NMNAT1: variants seen among roughly 807,000 people sequenced by gnomAD.
NMNAT1 encodes the protein nicotinamide/nicotinic acid mononucleotide adenylyltransferase 1.
In NMNAT1, 11 loss-of-function variants were observed where a neutral mutation model predicts 16.7. The observed-to-expected ratio is 0.66, with a 90% CI of 0.41 to 1.09. The LOEUF is 1.09. Ranked by LOEUF, NMNAT1 falls within the 50% of genes least tolerant of loss-of-function variation. NMNAT1 has a pLI of 0.00. For missense variants in NMNAT1, 280 were observed against 332.3 expected (o/e 0.84, Z 1.22); for synonymous variants, 110 against 119.8 (o/e 0.92, Z 0.53).
At chr1:9,996,577 C>A in the NMNAT1 span, among the ~76,000 whole-genome samples, 1 of 152,118 alleles carries the variant, frequency 6.6e-6, no homozygotes, top group Non-Finnish European at 1.5e-5. Context: ...CAGAAACCTG[C>A]TGGGTAATTT....
intron 1 of NMNAT1, among the ~76,000 whole-genome samples, chr1:9,970,387 A>G (rs1423277856): frequency 1.3e-5 from 2 of 152,030 alleles, no homozygotes; most frequent in African/African-American, 2.4e-5. Flanking sequence ...ATCTATATAT[A>G]TGAATTAGTT....
chr1:9,945,043 G>A (rs1640941745), intron 1 of NMNAT1, among the ~76,000 whole-genome samples: 1 of 152,134 alleles, frequency 6.6e-6, no homozygotes, highest in South Asian at 2.1e-4. Context: ...AAACCAGCCC[G>A]GCCAACATGG....
At chr1:9,977,793 G>C (rs555459589) in intron 3 of NMNAT1, among the ~76,000 whole-genome samples, 1 of 152,192 alleles carries the variant, frequency 6.6e-6, no homozygotes, top group South Asian at 2.1e-4. Flanking sequence ...GGGAGGCAGA[G>C]GTTACGGTGA....
chr1:9,969,106 A>G (rs1641631017), intron 1 of NMNAT1, among the ~76,000 whole-genome samples: 1 of 152,060 alleles, frequency 6.6e-6, no homozygotes, highest in Admixed American at 6.6e-5. Flanking sequence ...AAATTGTAGG[A>G]TACTTTCTTG....
At chr1:9,949,292 C>CTT (rs1357855200) in intron 1 of NMNAT1, among the ~76,000 whole-genome samples, 2 of 150,422 alleles carry the variant, frequency 1.3e-5, no homozygotes, top group African/African-American at 4.9e-5. Flanking sequence ...AAAGACAAAA[C>CTT]ACAATGCAGG....
In NMNAT1 at chr1:9,972,111, C is replaced by T. The variant is rs1641702737; in HGVS notation, c.38C>T (p.Ala13Val). 1.2e-6 allele frequency: 2 copies of T among 1,612,510 alleles called. No homozygotes were observed. The highest frequency in any genetic ancestry group is 1.7e-6 in the Non-Finnish European group (2 of 1,178,636). Residue 13 changes from alanine to valine, a missense_variant, in exon 2 of 5, where the codon GCT (alanine) becomes GTT (valine). By Grantham distance (64) the Ala-to-Val change is moderately conservative. Transcript: ENST00000377205. ...NSEKTEVVLL[A>V]CGSFNPITNM... is the part of the protein sequence containing the mutation. ...GAGAAGACTGAAGTGGTTCTCCTTG[C>T]TTGTGGTTCATTCAATCCCATCACC...
At chr1:9,991,160 A>G in the NMNAT1 span, among the ~76,000 whole-genome samples, 1 of 150,300 alleles carries the variant, frequency 6.7e-6, no homozygotes, top group Admixed American at 6.7e-5. Flanking sequence ...AGATTTCTGC[A>G]TATCCTGTTC....
intron 2 of NMNAT1, among the ~76,000 whole-genome samples, chr1:9,973,273 C>T (rs889787077): frequency 5.3e-5 from 8 of 152,036 alleles, no homozygotes; most frequent in Non-Finnish European, 1.2e-4. Flanking sequence ...TGTGCCACCA[C>T]GCCCGGCTAA....
downstream of NMNAT1, among the ~76,000 whole-genome samples, chr1:9,985,718 A>C (rs1480419852): frequency 1.3e-5 from 2 of 152,172 alleles, no homozygotes; most frequent in Non-Finnish European, 2.9e-5. Flanking sequence ...GCTGGAGTGC[A>C]GTGGCACAGT....
At position 9,982,654 on chromosome 1, in the gene NMNAT1, G is replaced by A. The variant is rs766979956; in HGVS notation, c.793G>A (p.Val265Ile). ...SSESEDRNAG[V>I]ILAPLQRNTA... is the part of the protein sequence containing the mutation. ...TGAGAGTGAAGACAGGAATGCTGGG[G>A]TCATCCTGGCCCCTTTGCAGAGAAA... Residue 265 changes from valine (V) to isoleucine (I), a missense_variant, in exon 5 of 5, where the codon GTC becomes ATC. Val to Ile is a conservative substitution (Grantham distance 29). Coordinates refer to ENST00000377205, the MANE Select transcript of NMNAT1 (RefSeq NM_022787.4). The A allele has an allele frequency of 3.7e-6, 6 of 1,613,894 alleles. No individual in the cohort carries two copies. The African/African-American group carries it at 5.3e-5, about 14-fold the overall frequency.
chr1:9,956,247 G>A (rs905690140), intron 1 of NMNAT1, among the ~76,000 whole-genome samples: 3 of 146,926 alleles, frequency 2.0e-5, no homozygotes, highest in Non-Finnish European at 4.5e-5. Flanking sequence ...TCTGCTCACT[G>A]CAACCTCTGC....
intron 2 of NMNAT1, chr1:9,972,397 G>T: frequency 2.7e-6 from 1 of 370,664 alleles, no homozygotes; most frequent in Non-Finnish European, 5.0e-6. Context: ...TCGGGAGGCT[G>T]AGGCAGTAGA....
intron 1 of NMNAT1, among the ~76,000 whole-genome samples, chr1:9,955,462 G>A (rs1641236602): frequency 6.6e-6 from 1 of 150,926 alleles, no homozygotes; most frequent in African/African-American, 2.4e-5. Context: ...AAAATTAGCT[G>A]GGTGTGGTGG....
the NMNAT1 span, among the ~76,000 whole-genome samples, chr1:9,996,610 A>G: frequency 6.6e-6 from 1 of 152,098 alleles, no homozygotes; most frequent in African/African-American, 2.4e-5. Context: ...CCAACTATCC[A>G]GACTTATAGG....
chr1:9,987,540 T>C (rs1557478846), downstream of NMNAT1, among the ~76,000 whole-genome samples: 2 of 151,952 alleles, frequency 1.3e-5, no homozygotes, highest in African/African-American at 2.4e-5. Context: ...CTTGGGAGGC[T>C]GAGGTAGGAG....
At chr1:9,993,580 C>T in the NMNAT1 span, among the ~76,000 whole-genome samples, 8 of 151,938 alleles carry the variant, frequency 5.3e-5, no homozygotes, top group Non-Finnish European at 7.4e-5. Context: ...GCCGGGGCTG[C>T]GTATGGAGAA....
In NMNAT1 at chr1:9,983,694, A is replaced by T. The variant is rs1042143257; in HGVS notation, c.*993A>T. 2 of 151,398 alleles carry T rather than the reference A, an allele frequency of 1.3e-5. No individual in the cohort carries two copies. The highest frequency in any genetic ancestry group is 2.9e-5 in the Non-Finnish European group (2 of 68,026). 9.4% of individuals were successfully genotyped at this position (151,398 alleles called of 1,614,324 possible). ...AGCCTGACAGCTAGCAGGTTTCAGGATCCATCTGCCAAGTTAGTGAAAGGC... is the reference window on the plus strand; with the variant it reads ...AGCCTGACAGCTAGCAGGTTTCAGGTTCCATCTGCCAAGTTAGTGAAAGGC... On this transcript the variant is annotated 3_prime_UTR_variant, in exon 5 of 5. Coordinates refer to ENST00000377205, the MANE Select transcript of NMNAT1 (RefSeq NM_022787.4).
chr1:9,954,498 T>G (rs1158349479), intron 1 of NMNAT1, among the ~76,000 whole-genome samples: 1 of 152,164 alleles, frequency 6.6e-6, no homozygotes, highest in Admixed American at 6.6e-5. Context: ...CATGAGCCAC[T>G]GGACCCAGCC....
At position 9,972,756 on chromosome 1, in the gene NMNAT1, G is replaced by A. The variant is rs368266074; in HGVS notation, c.115+568G>A. On this transcript the variant is annotated intron_variant, in intron 2 of 4. Transcript: ENST00000377205. ...GAGGATCACTTGAGGCCAGGAGTTT[G>A]AGACCAACCTGGGAAACAGAGAGAG... Among the ~76,000 whole-genome samples the A allele has an allele frequency of 6.4e-4, 97 of 152,260 alleles. 5 individuals carry two copies. The South Asian group carries it at 0.02, about 31-fold the overall frequency.
Sources: allele counts gnomAD v4.1 joint callset (sites outside exome capture counted in the v4.1 genomes callset), GRCh38; gene constraint gnomAD v4.1.1; transcripts MANE v1.5; gene names NCBI Gene and HGNC (gene_info 2026-07-23, HGNC 2026-07-21).